The following SCN7A variants were observed in gnomAD, a reference collection of about 807,000 sequenced individuals.
SCN7A encodes the protein sodium voltage-gated channel alpha subunit 7, also known as sodium channel protein type 7 subunit alpha.
In SCN7A, 138 loss-of-function variants were observed where a neutral mutation model predicts 155.2. The observed-to-expected ratio is 0.89, with a 90% confidence interval of 0.77 to 1.02. The LOEUF is 1.02. SCN7A is among the 50% of genes least tolerant of loss of function. SCN7A has a pLI of 0.00. For missense variants in SCN7A, 2,058 were observed against 1,986.6 expected (o/e 1.04, Z -0.68); for synonymous variants, 693 against 649.0 (o/e 1.07, Z -1.03).
intron 21 of SCN7A, 100 bp from the exon 22 acceptor site, chr2:166,413,221 C>A: frequency 1.6e-6 from 1 of 640,952 alleles, no homozygotes; most frequent in East Asian, 2.9e-5. Flanking sequence ...CATAGGCTTG[C>A]CACACTTCCA....
intron 14 of SCN7A, among the ~76,000 whole-genome samples, chr2:166,442,684 T>C (rs548904006): frequency 1.3e-5 from 2 of 152,324 alleles, no homozygotes; most frequent in South Asian, 4.1e-4. Context: ...CTTACATTTA[T>C]CTATGAAAAA....
In SCN7A at chr2:166,465,965, G is replaced by A; in HGVS notation, c.687C>T (p.Val229=). 6.2e-7 allele frequency: 1 copy of A among 1,612,108 alleles called. No individual in the cohort carries two copies. The highest frequency in any genetic ancestry group is 1.1e-5 in the South Asian group (1 of 90,926). Residue 229 remains valine (V), a synonymous_variant, in exon 8 of 26, where the codon GTC becomes GTT. Coordinates refer to ENST00000643258, the MANE Select transcript of SCN7A (RefSeq NM_002976.4). ...LNQGLKSLVG[V]LIHCLKQLIG... ...TAAGCTGCTTCAAGCAGTGGATCAG[G>A]ACCCCTACAAGGGATTTCAGACCTG... is the stretch of plus-strand genomic sequence containing the variant.
chr2:166,465,686 C>G, intron 8 of SCN7A, 95 bp downstream of exon 8: 1 of 1,400,276 alleles, frequency 7.1e-7, no homozygotes, highest in Non-Finnish European at 1.0e-6. Flanking sequence ...CTTTGGGAAT[C>G]TAACAAAATG....
At chr2:166,490,798 T>C (rs1426516827) in intron 1 of SCN7A, among the ~76,000 whole-genome samples, 1 of 152,214 alleles carries the variant, frequency 6.6e-6, no homozygotes, top group Non-Finnish European at 1.5e-5. Context: ...GATTCCAACC[T>C]GCCCTCCCTG....
At chr2:166,420,949 C>T (rs2105389265) in intron 20 of SCN7A, among the ~76,000 whole-genome samples, 1 of 151,952 alleles carries the variant, frequency 6.6e-6, no homozygotes, top group African/African-American at 2.4e-5. Context: ...TATATTTTCT[C>T]TCTCAAATAC....
rs753158286 is a variant in SCN7A at position 166,416,694 on chromosome 2, A to G, written c.3414+13T>C. On this transcript the variant is annotated intron_variant, in intron 21 of 25. Transcript: ENST00000643258. Reference sequence around the variant, plus strand: ...ATATATAATTAATAAGGAAAAGTCAAAAGTGTACTTACTACTTGAAGCAGA... The same window carrying G: ...ATATATAATTAATAAGGAAAAGTCAGAAGTGTACTTACTACTTGAAGCAGA... The G allele has an allele frequency of 6.3e-7, 1 of 1,584,988 alleles. No homozygotes were observed. The highest frequency in any genetic ancestry group is 1.2e-5 in the South Asian group (1 of 86,538).
At chr2:166,486,336 C>T (rs1703048032) in intron 2 of SCN7A, among the ~76,000 whole-genome samples, 1 of 152,136 alleles carries the variant, frequency 6.6e-6, no homozygotes, top group Admixed American at 6.5e-5. Context: ...TATAAGGTCA[C>T]TCATAAACCC....
At position 166,445,030 on chromosome 2, in the gene SCN7A, T is replaced by C. The variant is rs759938878; in HGVS notation, c.1388-30A>G. The stretch of plus-strand genomic sequence containing the variant: ...AATGAAAGAATACAAAAGTTAAACA[T>C]TCTGGCCGGGTGCAGTGGCTCATGC... On this transcript the variant is annotated intron_variant, in intron 12 of 25. Coordinates refer to ENST00000643258, the MANE Select transcript of SCN7A (RefSeq NM_002976.4). 23 of 1,454,612 alleles carry C rather than the reference T, an allele frequency of 1.6e-5. No individual in the cohort carries two copies. The East Asian group carries it at 4.8e-4, about 30-fold the overall frequency. The allele number at this position is 1,454,612 out of a possible 1,614,324, so 90.1% of individuals were successfully genotyped here. A position where few individuals can be genotyped will look rare whatever the true frequency, so the allele number is the denominator to read the frequency against.
At chr2:166,491,985 T>A (rs1364340418) in intron 1 of SCN7A, among the ~76,000 whole-genome samples, 1 of 152,062 alleles carries the variant, frequency 6.6e-6, no homozygotes, top group Admixed American at 6.6e-5. Context: ...GGAGTGCAGA[T>A]TTCCCAATCC....
chr2:166,421,368 T>C, intron 19 of SCN7A, 71 bp from the exon 20 acceptor site: 2 of 876,582 alleles, frequency 2.3e-6, no homozygotes, highest in Non-Finnish European at 3.3e-6. Context: ...AAATAAACTT[T>C]GCATTTATTA....
chr2:166,462,634 C>CGTGAG, intron 9 of SCN7A, 104 bp from the exon 10 acceptor site: 2 of 1,016,258 alleles, frequency 2.0e-6, no homozygotes, highest in Non-Finnish European at 2.8e-6. Context: ...AGAACTCACG[C>CGTGAG]TTCCACAGGG....
chr2:166,420,360 A>G (rs940904531), intron 20 of SCN7A, among the ~76,000 whole-genome samples: 22 of 152,112 alleles, frequency 1.4e-4, no homozygotes, highest in African/African-American at 5.1e-4. Flanking sequence ...TAGTAATTAA[A>G]GTGGCAGACT....
intron 20 of SCN7A, among the ~76,000 whole-genome samples, chr2:166,417,902 T>C (rs1701414079): frequency 6.6e-6 from 1 of 151,614 alleles, no homozygotes; most frequent in African/African-American, 2.4e-5. Context: ...GCTTGGGAGA[T>C]GAATCTGCCA....
At chr2:166,413,627 T>C (rs1195594348) in intron 21 of SCN7A, among the ~76,000 whole-genome samples, 1 of 152,034 alleles carries the variant, frequency 6.6e-6, no homozygotes, top group Non-Finnish European at 1.5e-5. Flanking sequence ...AAAGTATTGA[T>C]CCTGGGTGTG....
In SCN7A at chr2:166,427,671, T is replaced by C. The variant is rs148980888; in HGVS notation, c.2853+117A>G. On this transcript the variant is annotated intron_variant, in intron 18 of 25. Transcript: ENST00000643258. ...TCACAGATTATGAAATTTGGTGCTA[T>C]TTGGTGCTATACTAAATATCCTTGG... 624 of 802,198 alleles carry C rather than the reference T, an allele frequency of 7.8e-4. 9 individuals are homozygous for C. The African/African-American group carries it at 9.5e-3, about 12-fold the overall frequency. 49.7% of individuals were successfully genotyped at this position (802,198 alleles called of 1,614,324 possible). A position where few individuals can be genotyped will look rare whatever the true frequency, so the allele number is the denominator to read the frequency against.
chr2:166,432,085 CT>C (rs1701743257), intron 16 of SCN7A, among the ~76,000 whole-genome samples: 1 of 152,004 alleles, frequency 6.6e-6, no homozygotes, highest in South Asian at 2.1e-4. Context: ...ACCTCCCCCC[CT>C]CCATGGACTA....
chr2:166,414,180 TATATATA>T (rs1157593318), intron 21 of SCN7A, among the ~76,000 whole-genome samples: 14 of 52,126 alleles, frequency 2.7e-4, no homozygotes, highest in South Asian at 5.3e-4. Context: ...TATATGTAAA[TATATATA>T]ATATATAATA....
At chr2:166,421,114 C>A in intron 20 of SCN7A, 76 bp downstream of exon 20, 1 of 940,484 alleles carries the variant, frequency 1.1e-6, no homozygotes, top group South Asian at 1.7e-5. Context: ...GAGAAGAAAA[C>A]AAAGCTTCCC....
At chr2:166,480,486 CA>C (rs202118124) in intron 2 of SCN7A, among the ~76,000 whole-genome samples, 20 of 144,742 alleles carry the variant, frequency 1.4e-4, no homozygotes, top group East Asian at 2.0e-4. Flanking sequence ...AACAAAAAAA[CA>C]AAAAAAAAAC....
Sources: allele counts gnomAD v4.1 joint callset (sites outside exome capture counted in the v4.1 genomes callset), GRCh38; gene constraint gnomAD v4.1.1; transcripts MANE v1.5; gene names NCBI Gene and HGNC (gene_info 2026-07-23, HGNC 2026-07-21).